The following GXYLT2 variants were observed in gnomAD, a reference collection of about 807,000 sequenced individuals.
GXYLT2 encodes glucoside xylosyltransferase 2.
A neutral mutation model predicts 45.8 loss-of-function variants in GXYLT2; 53 were observed. The ratio of observed to expected loss-of-function variants is 1.16; its 90% CI spans 0.93 to 1.46. GXYLT2 has a LOEUF of 1.46. Ranked by LOEUF, GXYLT2 falls within the 40% of genes most tolerant of loss-of-function variation. The pLI is 0.00. For synonymous variants in GXYLT2, 219 were observed against 214.2 expected (o/e 1.02, Z -0.19); for missense variants, 551 against 544.4 (o/e 1.01, Z -0.12).
intron 1 of GXYLT2, among the ~76,000 whole-genome samples, chr3:72,903,692 G>A (rs1280919815): frequency 6.6e-6 from 1 of 152,182 alleles, no homozygotes. Flanking sequence ...TGGAAGAATG[G>A]TCAGGATTTG....
intron 3 of GXYLT2, among the ~76,000 whole-genome samples, chr3:72,951,062 A>G (rs1359039174): frequency 1.3e-5 from 2 of 152,210 alleles, no homozygotes; most frequent in African/African-American, 4.8e-5. Context: ...TAGAATGGCT[A>G]ATTTTATATC....
chr3:72,905,957 G>C (rs534088596), intron 1 of GXYLT2, among the ~76,000 whole-genome samples: 3 of 152,270 alleles, frequency 2.0e-5, no homozygotes, highest in East Asian at 3.9e-4. Flanking sequence ...ATTCTGTTTG[G>C]GGGCAGGTGA....
chr3:72,965,481 A>G (rs1710849957), intron 5 of GXYLT2, among the ~76,000 whole-genome samples: 1 of 152,192 alleles, frequency 6.6e-6, no homozygotes, highest in African/African-American at 2.4e-5. Flanking sequence ...ATGATCAGCA[A>G]CACACATTTG....
At chr3:72,952,805 A>T (rs1710551613) in intron 3 of GXYLT2, among the ~76,000 whole-genome samples, 1 of 152,056 alleles carries the variant, frequency 6.6e-6, no homozygotes, top group Admixed American at 6.5e-5. Flanking sequence ...AGCTAAACCC[A>T]ATTATCTCCC....
rs561052130 is a variant in GXYLT2 at position 72,901,850 on chromosome 3, C to G, written c.276-6517C>G. On this transcript the variant is annotated intron_variant, in intron 1 of 6. Transcript: ENST00000389617. ...TGCTGGGATTACAGGGGTGAGCCAC[C>G]GCACCCAGCCTCATTAATCTACTTC... Among the ~76,000 whole-genome samples the G allele has an allele frequency of 1.8e-4, 27 of 152,016 alleles. No homozygotes were observed. In the South Asian group the frequency reaches 5.6e-3, roughly 32 times the overall value.
intron 3 of GXYLT2, among the ~76,000 whole-genome samples, chr3:72,949,683 T>C (rs1391788508): frequency 6.6e-6 from 1 of 151,742 alleles, no homozygotes; most frequent in Non-Finnish European, 1.5e-5. Context: ...AGCCAACTTT[T>C]CTTGTATTTT....
Position 72,908,524 on chromosome 3 carries a change from AC to A in GXYLT2, c.434del (p.Thr145MetfsTer5). 1 of 1,613,288 alleles carries A rather than the reference AC, an allele frequency of 6.2e-7. No homozygotes were observed. The highest frequency in any genetic ancestry group is 8.5e-7 in the Non-Finnish European group (1 of 1,179,724). On this transcript the variant is annotated frameshift_variant, in exon 2 of 7. Coordinates refer to ENST00000389617, the MANE Select transcript of GXYLT2 (RefSeq NM_001080393.2). LOFTEE classifies it high-confidence loss of function. ...SHRKIQFHIF[T>X]EDSLKPEFDK... ...CAGGAAGATCCAATTCCACATCTTC[AC>A]TGAAGACTCTCTGAAGCCCGAGTTT...
intron 3 of GXYLT2, among the ~76,000 whole-genome samples, chr3:72,949,502 C>CTTTTTTTTTTTTTTTTT (rs56323434): frequency 3.0e-4 from 22 of 72,640 alleles, no homozygotes; most frequent in Non-Finnish European, 3.4e-4. Flanking sequence ...CTTTCTTTTT[C>CTTTTTTTTTTTTTTTTT]TTTTTTTTTT....
intron 3 of GXYLT2, among the ~76,000 whole-genome samples, chr3:72,940,925 C>T (rs946722069): frequency 6.6e-6 from 1 of 152,116 alleles, no homozygotes; most frequent in African/African-American, 2.4e-5. Context: ...AGCAATACTC[C>T]CACCTCGGTC....
intron 3 of GXYLT2, among the ~76,000 whole-genome samples, chr3:72,932,773 A>G (rs1290428015): frequency 6.6e-6 from 1 of 152,260 alleles, no homozygotes; most frequent in African/African-American, 2.4e-5. Context: ...TAATATACAA[A>G]GTGTGGCCTT....
At chr3:72,970,880 A>G (rs1710976327) in intron 6 of GXYLT2, among the ~76,000 whole-genome samples, 1 of 152,166 alleles carries the variant, frequency 6.6e-6, no homozygotes, top group Non-Finnish European at 1.5e-5. Flanking sequence ...GAAAAAAGCA[A>G]TTTCTAGAGT....
At chr3:72,902,609 G>A (rs886659800) in intron 1 of GXYLT2, among the ~76,000 whole-genome samples, 1 of 152,172 alleles carries the variant, frequency 6.6e-6, no homozygotes, top group South Asian at 2.1e-4. Flanking sequence ...GGCCAAGGTG[G>A]GAGGATCATT....
chr3:72,959,053 C>T (rs1347613092), intron 5 of GXYLT2, among the ~76,000 whole-genome samples: 2 of 150,662 alleles, frequency 1.3e-5, no homozygotes, highest in Non-Finnish European at 3.0e-5. Context: ...AGTGATCCTC[C>T]CACCTCAGCC....
intron 5 of GXYLT2, among the ~76,000 whole-genome samples, chr3:72,960,539 G>A (rs938615203): frequency 6.6e-6 from 1 of 152,196 alleles, no homozygotes; most frequent in Non-Finnish European, 1.5e-5. Context: ...AAATAATCGT[G>A]ACGTTGTTCT....
In GXYLT2 at chr3:72,888,279, G is replaced by C; in HGVS notation, c.46G>C (p.Ala16Pro). The C allele has an allele frequency of 2.0e-6, 2 of 994,666 alleles. No individual in the cohort carries two copies. The highest frequency in any genetic ancestry group is 2.4e-6 in the Non-Finnish European group (2 of 838,632). 61.6% of individuals were successfully genotyped at this position (994,666 alleles called of 1,614,324 possible). Residue 16 changes from alanine (A) to proline (P), a missense_variant, in exon 1 of 7, where the codon GCC becomes CCC. Coordinates refer to ENST00000389617, the MANE Select transcript of GXYLT2 (RefSeq NM_001080393.2). ...KAAALLLLAL[A>P]ALLLALLSLR... ...GGCGGCGCTGCTCTTGCTCGCGCTG[G>C]CCGCGCTGCTGCTGGCGCTGCTGTC...
intron 5 of GXYLT2, 41 bp downstream of exon 5, chr3:72,957,393 C>T (rs1416856889): frequency 6.4e-7 from 1 of 1,553,408 alleles, no homozygotes; most frequent in Non-Finnish European, 8.7e-7. Flanking sequence ...TAGGAGTACA[C>T]TCAGCACACC....
rs1203284348 is a variant in GXYLT2, at chr3:72,888,465, C to T, written c.232C>T (p.Arg78Ter). ...GCGCCGGCCCCCGCGTCCGCGCCCC[C>T]GAGCGGGCCGCCGGGGCGCTGCGAG... ...RRRRPPRPRPRAGRRGAARLE... is the reference protein window; with the variant it reads ...RRRRPPRPRP The change falls in exon 1 of 7, where the codon CGA becomes TGA. Residue 78 changes from arginine to a stop codon, truncating the protein, a stop_gained. Coordinates refer to ENST00000389617, the MANE Select transcript of GXYLT2 (RefSeq NM_001080393.2). LOFTEE classifies it high-confidence loss of function. 3.2e-6 allele frequency: 4 copies of T among 1,244,806 alleles called. No homozygotes were observed. Among genetic ancestry groups the T allele is most frequent in the Non-Finnish European group, 4.0e-6 (4 of 990,374 alleles). The allele number at this position is 1,244,806 out of a possible 1,614,324, so 77.1% of individuals were successfully genotyped here.
intron 3 of GXYLT2, among the ~76,000 whole-genome samples, chr3:72,946,221 G>A (rs1710401719): frequency 7.2e-6 from 1 of 139,304 alleles, no homozygotes; most frequent in Non-Finnish European, 1.5e-5. Context: ...AGGCTGCAGT[G>A]AGCCACGATT....
chr3:72,891,799 G>A (rs941173891), intron 1 of GXYLT2, among the ~76,000 whole-genome samples: 3 of 152,224 alleles, frequency 2.0e-5, no homozygotes, highest in Admixed American at 1.3e-4. Flanking sequence ...ACCTTTGTTA[G>A]TAGGATTAAG....
Sources: allele counts gnomAD v4.1 joint callset (sites outside exome capture counted in the v4.1 genomes callset), GRCh38; gene constraint gnomAD v4.1.1; transcripts MANE v1.5; gene names NCBI Gene and HGNC (gene_info 2026-07-23, HGNC 2026-07-21).